The following EYA1 variants were observed in gnomAD, a reference collection of about 807,000 sequenced individuals.
EYA1 encodes the protein protein phosphatase EYA1.
Under a neutral mutation model 82.0 loss-of-function variants are expected in EYA1, and 16 were observed. The observed-to-expected ratio is 0.20, with a 90% confidence interval of 0.13 to 0.30. EYA1 has a LOEUF of 0.30. Ranked by LOEUF, EYA1 falls within the 10% of genes least tolerant of loss-of-function variation. The pLI is 1.00. For missense variants in EYA1, 633 were observed against 730.7 expected, an observed-to-expected ratio of 0.87 and a Z score of 1.54; for synonymous variants, 261 against 264.4, an observed-to-expected ratio of 0.99 and a Z score of 0.12.
chr8:71,354,884 TG>T lies in EYA1; in HGVS notation c.21del (p.Ser8AlafsTer6). 1.2e-6 allele frequency: 2 copies of T among 1,613,696 alleles called. No homozygotes were observed. Among genetic ancestry groups the T allele is most frequent in the Non-Finnish European group, 1.7e-6 (2 of 1,179,678 alleles). Reference sequence around the variant, plus strand: ...CTACCACTCAGACGGCTATGCGGGCTGGTTAGATCCTGCATTTCCATAGACC... The same window carrying T: ...CTACCACTCAGACGGCTATGCGGGCTGTTAGATCCTGCATTTCCATAGACC... MEMQDL[T>X]SPHSRLSGSS... On this transcript the variant is annotated frameshift_variant, in exon 3 of 18. Coordinates refer to ENST00000340726, the MANE Select transcript of EYA1 (RefSeq NM_000503.6). LOFTEE classifies it high-confidence loss of function.
chr8:71,439,320 T>C (rs1806238039), intron 2 of EYA1, among the ~76,000 whole-genome samples: 1 of 152,094 alleles, frequency 6.6e-6, no homozygotes, highest in Non-Finnish European at 1.5e-5. Flanking sequence ...TGGTTTCCAG[T>C]GAATGGGAAG....
intron 2 of EYA1, among the ~76,000 whole-genome samples, chr8:71,435,628 T>C (rs113125961): frequency 2.0e-5 from 3 of 152,106 alleles, no homozygotes; most frequent in Non-Finnish European, 4.4e-5. Context: ...ATGTCTATGG[T>C]ATTTCCCATG....
intron 2 of EYA1, among the ~76,000 whole-genome samples, chr8:71,441,490 A>G (rs1806432696): frequency 6.6e-6 from 1 of 152,188 alleles, no homozygotes. Context: ...TCTGTCTCCC[A>G]TAGAAATAAA....
chr8:71,437,809 T>G (rs886435518), intron 2 of EYA1, among the ~76,000 whole-genome samples: 1 of 151,198 alleles, frequency 6.6e-6, no homozygotes, highest in African/African-American at 2.4e-5. Context: ...AGAGACTACA[T>G]ATTGAAAAAA....
intron 14 of EYA1, 73 bp downstream of exon 14, chr8:71,216,619 A>G: frequency 6.8e-7 from 1 of 1,478,878 alleles, no homozygotes; most frequent in Non-Finnish European, 9.5e-7. Flanking sequence ...AGTGTGACAC[A>G]AAAGTGTACA....
intron 7 of EYA1, among the ~76,000 whole-genome samples, chr8:71,312,072 T>TA (rs772976949): frequency 6.6e-6 from 1 of 152,194 alleles, no homozygotes; most frequent in Non-Finnish European, 1.5e-5. Flanking sequence ...AATCTGCTCT[T>TA]AAAAGGCTGT....
intron 2 of EYA1, among the ~76,000 whole-genome samples, chr8:71,516,721 G>T (rs1472673114): frequency 2.6e-5 from 4 of 152,104 alleles, no homozygotes; most frequent in African/African-American, 9.7e-5. Context: ...ATTAGAGGAT[G>T]AATACTGGGC....
intron 2 of EYA1, among the ~76,000 whole-genome samples, chr8:71,460,023 G>A (rs886973362): frequency 4.6e-5 from 7 of 152,044 alleles, no homozygotes; most frequent in Non-Finnish European, 1.0e-4. Context: ...TCATCTACTC[G>A]TCAAGTCACA....
chr8:71,484,453 T>C (rs1810408958), intron 2 of EYA1, among the ~76,000 whole-genome samples: 1 of 152,208 alleles, frequency 6.6e-6, no homozygotes, highest in Non-Finnish European at 1.5e-5. Context: ...GGGCTGGCTG[T>C]AATGGCTTGG....
chr8:71,339,430 T>C (rs547419940), intron 3 of EYA1, among the ~76,000 whole-genome samples: 2 of 152,306 alleles, frequency 1.3e-5, no homozygotes, highest in Non-Finnish European at 2.9e-5. Context: ...GTCTTTATTC[T>C]TTTGAGTCAC....
At chr8:71,470,407 T>C (rs1294616976) in intron 2 of EYA1, among the ~76,000 whole-genome samples, 4 of 152,082 alleles carry the variant, frequency 2.6e-5, no homozygotes, top group Non-Finnish European at 5.9e-5. Context: ...ATAACTCACA[T>C]ATGAATTTCA....
In EYA1 at chr8:71,236,514, T is replaced by A. The variant is rs78257904; in HGVS notation, c.1140+8089A>T. Among the ~76,000 whole-genome samples the A allele has an allele frequency of 4.4e-3, 667 of 152,330 alleles. 6 individuals carry two copies. The highest frequency in any genetic ancestry group is 0.015 in the African/African-American group (633 of 41,572). On this transcript the variant is annotated intron_variant, in intron 12 of 17. Transcript: ENST00000340726. Reference sequence around the variant, plus strand: ...GATGTATTTTAATTTATTTCATTTTTAATCTGTTATTGGATATTTAAAATA... The same window carrying A: ...GATGTATTTTAATTTATTTCATTTTAAATCTGTTATTGGATATTTAAAATA...
chr8:71,393,259 A>C (rs1336632852), intron 2 of EYA1, among the ~76,000 whole-genome samples: 1 of 152,006 alleles, frequency 6.6e-6, no homozygotes, highest in Non-Finnish European at 1.5e-5. Context: ...TTCTATCTGT[A>C]TTATTTCTTA....
At chr8:71,258,087 T>C (rs1814656607) in intron 11 of EYA1, among the ~76,000 whole-genome samples, 1 of 152,166 alleles carries the variant, frequency 6.6e-6, no homozygotes, top group Non-Finnish European at 1.5e-5. Context: ...AGAGTGGCAT[T>C]AGTTTAGAAT....
intron 1 of EYA1, chr8:71,535,877 TATTA>T (rs1212451755): frequency 1.0e-5 from 6 of 598,732 alleles, no homozygotes; most frequent in Non-Finnish European, 1.3e-5. Context: ...CACACAGCTG[TATTA>T]ATTGTGTGGC....
chr8:71,535,559 A>T (rs1159626521), intron 2 of EYA1, among the ~76,000 whole-genome samples: 1 of 152,204 alleles, frequency 6.6e-6, no homozygotes, highest in East Asian at 1.9e-4. Flanking sequence ...CTGAGAAAAG[A>T]TATAAATTAG....
intron 3 of EYA1, among the ~76,000 whole-genome samples, chr8:71,337,775 G>A (rs1381766208): frequency 6.6e-6 from 1 of 152,128 alleles, no homozygotes; most frequent in Non-Finnish European, 1.5e-5. Flanking sequence ...ATTCTCTGTT[G>A]GGCTGAATGC....
intron 2 of EYA1, among the ~76,000 whole-genome samples, chr8:71,411,574 A>G (rs900396721): frequency 6.6e-6 from 1 of 151,402 alleles, no homozygotes; most frequent in Non-Finnish European, 1.5e-5. Context: ...GGCGAAGGAC[A>G]TGAACAGACA....
chr8:71,333,145 T>C (rs1187964947), intron 4 of EYA1, among the ~76,000 whole-genome samples: 1 of 151,878 alleles, frequency 6.6e-6, no homozygotes, highest in Non-Finnish European at 1.5e-5. Context: ...ACCAACCACA[T>C]TGCCAAGCAA....
Sources: allele counts gnomAD v4.1 joint callset (sites outside exome capture counted in the v4.1 genomes callset), GRCh38; gene constraint gnomAD v4.1.1; transcripts MANE v1.5; gene names NCBI Gene and HGNC (gene_info 2026-07-23, HGNC 2026-07-21).